Variants in PLCB1 observed in about 807,000 individuals in gnomAD.
The protein encoded by PLCB1 is phospholipase C beta 1.
In PLCB1, 46 loss-of-function variants were observed where a neutral mutation model predicts 161.8. That is an observed-to-expected ratio of 0.28 (90% CI 0.22 to 0.36). The LOEUF (loss-of-function observed/expected upper bound fraction) is 0.36. Among genes scored for constraint, PLCB1 ranks in the 10% least tolerant of loss-of-function variants. The pLI is 1.00. For missense variants in PLCB1, 1,016 were observed against 1,472.5 expected, an observed-to-expected ratio of 0.69 and a Z score of 5.07; for synonymous variants, 517 against 503.7, an observed-to-expected ratio of 1.03 and a Z score of -0.35.
At chr20:8,563,855 C>A (rs140391238) in intron 3 of PLCB1, among the ~76,000 whole-genome samples, 2,349 of 152,146 alleles carry the variant, frequency 0.015, 77 homozygotes, top group African/African-American at 0.054. Context: ...AGGACATAAA[C>A]AAATGGAAAA....
chr20:8,256,891 T>A (rs1423337621), intron 2 of PLCB1: 2 of 152,184 alleles, frequency 1.3e-5, no homozygotes, highest in East Asian at 3.9e-4. Flanking sequence ...TCAATTTGAT[T>A]GTAATAAATA....
chr20:8,189,053 A>G (rs2051936797), intron 2 of PLCB1, among the ~76,000 whole-genome samples: 1 of 152,038 alleles, frequency 6.6e-6, no homozygotes, highest in Non-Finnish European at 1.5e-5. Context: ...CCTGCTCCTG[A>G]TAACCACTAT....
intron 3 of PLCB1, among the ~76,000 whole-genome samples, chr20:8,449,380 A>G (rs1568681128): frequency 6.6e-6 from 1 of 152,230 alleles, no homozygotes; most frequent in Non-Finnish European, 1.5e-5. Flanking sequence ...GGCACTCTGG[A>G]TTTCAGCACA....
intron 3 of PLCB1, among the ~76,000 whole-genome samples, chr20:8,604,685 CT>C (rs1372076671): frequency 2.0e-5 from 3 of 152,176 alleles, no homozygotes; most frequent in Non-Finnish European, 1.5e-5. Flanking sequence ...AAAAACCAGG[CT>C]TTTAAAATTA....
chr20:8,406,151 A>G (rs911968059), intron 3 of PLCB1, among the ~76,000 whole-genome samples: 6 of 152,028 alleles, frequency 3.9e-5, no homozygotes, highest in Non-Finnish European at 8.8e-5. Context: ...ATTGACTTTT[A>G]TGTGTTCTAT....
intron 3 of PLCB1, among the ~76,000 whole-genome samples, chr20:8,576,146 GA>G (rs1172591200): frequency 1.3e-5 from 2 of 151,894 alleles, no homozygotes; most frequent in African/African-American, 4.8e-5. Flanking sequence ...ATTAATAATT[GA>G]AAAAAACCTT....
chr20:8,134,493 T>C lies in PLCB1; in HGVS notation c.99+1743T>C, dbSNP rs544634463. ...CAACATCACATTGAGAATGAAAGTA[T>C]TCTATGAAAACACATTTTGGTATAT... On this transcript the variant is annotated intron_variant, in intron 1 of 31. Transcript: ENST00000338037. Among the ~76,000 whole-genome samples, 4 of 152,346 alleles carry C rather than the reference T, an allele frequency of 2.6e-5. 1 individual carries two copies. In the South Asian group the frequency reaches 6.2e-4, roughly 24 times the overall value.
At chr20:8,337,087 GA>G (rs1242511685) in intron 2 of PLCB1, among the ~76,000 whole-genome samples, 3 of 151,978 alleles carry the variant, frequency 2.0e-5, no homozygotes. Context: ...GAAGGAACCA[GA>G]ATGAAAAATA....
At chr20:8,171,621 G>T (rs946975635) in intron 2 of PLCB1, among the ~76,000 whole-genome samples, 1 of 152,082 alleles carries the variant, frequency 6.6e-6, no homozygotes, top group Admixed American at 6.6e-5. Context: ...CTCCCTTAAG[G>T]TTGTGTTAGG....
In PLCB1 at chr20:8,222,516, G is replaced by A. The variant is rs189178725; in HGVS notation, c.177+72145G>A. Among the ~76,000 whole-genome samples, 606 of 151,834 alleles carry A rather than the reference G, an allele frequency of 4.0e-3. 7 individuals carry two copies. Among genetic ancestry groups the A allele is most frequent in the Admixed American group, 0.022 (331 of 15,238 alleles). On this transcript the variant is annotated intron_variant, in intron 2 of 31. Transcript: ENST00000338037. ...CTTTCAAAATTTTCTCTTTACTTTT[G>A]GTTTTCAGCACTTATACTATGATGA...
chr20:8,736,719 A>G (rs568419256), intron 19 of PLCB1, among the ~76,000 whole-genome samples: 2 of 152,318 alleles, frequency 1.3e-5, no homozygotes, highest in South Asian at 4.1e-4. Context: ...TTATTAAACC[A>G]TCAGATCTTG....
rs184633535 is a variant in PLCB1 at position 8,280,190 on chromosome 20, G to T, written c.178-91192G>T. The stretch of plus-strand genomic sequence containing the variant: ...GTCTCTATTAAAAATACAAAAATTA[G>T]CTGGGCTTGGTGGCAGGAGCCTGTA... On this transcript the variant is annotated intron_variant, in intron 2 of 31. Coordinates refer to ENST00000338037, the MANE Select transcript of PLCB1 (RefSeq NM_015192.4). 3.2e-3 allele frequency among the ~76,000 whole-genome samples: 482 copies of T among 152,068 alleles called. 1 individual carries two copies. The highest frequency in any genetic ancestry group is 6.8e-3 in the Middle Eastern group (2 of 294).
intron 3 of PLCB1, among the ~76,000 whole-genome samples, chr20:8,510,769 G>T (rs975586215): frequency 3.3e-5 from 5 of 152,176 alleles, no homozygotes; most frequent in African/African-American, 1.2e-4. Context: ...TCATTCTGAA[G>T]AAGTAATTAA....
chr20:8,386,059 C>T (rs1482910755), intron 3 of PLCB1, among the ~76,000 whole-genome samples: 2 of 152,194 alleles, frequency 1.3e-5, no homozygotes, highest in Non-Finnish European at 2.9e-5. Context: ...ATTTCTACCA[C>T]AACTACAGTG....
chr20:8,209,436 A>C (rs1978703746), intron 2 of PLCB1, among the ~76,000 whole-genome samples: 1 of 152,188 alleles, frequency 6.6e-6, no homozygotes, highest in Non-Finnish European at 1.5e-5. Context: ...TTGGTATTGT[A>C]AAATGTGACT....
chr20:8,759,813 C>T (rs554146978), intron 24 of PLCB1, among the ~76,000 whole-genome samples: 3 of 151,514 alleles, frequency 2.0e-5, no homozygotes, highest in South Asian at 2.1e-4. Flanking sequence ...CAGAAGATGG[C>T]GATAGCATTG....
intron 2 of PLCB1, among the ~76,000 whole-genome samples, chr20:8,331,479 C>A (rs1405595285): frequency 6.6e-6 from 1 of 152,060 alleles, no homozygotes; most frequent in African/African-American, 2.4e-5. Context: ...CAGGCTGATG[C>A]CTTTTGCAAG....
chr20:8,791,963 G>A (rs1366228083), intron 31 of PLCB1: 1 of 152,200 alleles, frequency 6.6e-6, no homozygotes, highest in East Asian at 1.9e-4. Context: ...AACAGTTATA[G>A]TATTTAGTAA....
At chr20:8,831,101 T>C (rs1189788065) in intron 31 of PLCB1, 2 of 152,252 alleles carry the variant, frequency 1.3e-5, no homozygotes, top group African/African-American at 4.8e-5. Flanking sequence ...CCTGCTCTTA[T>C]TACTAATTAG....
Sources: allele counts gnomAD v4.1 joint callset (sites outside exome capture counted in the v4.1 genomes callset), GRCh38; gene constraint gnomAD v4.1.1; transcripts MANE v1.5; gene names NCBI Gene and HGNC (gene_info 2026-07-23, HGNC 2026-07-21).